HTR4: variants seen among roughly 807,000 people sequenced by gnomAD.
HTR4 encodes the protein 5-hydroxytryptamine (serotonin) receptor 4, G protein-coupled.
Under a neutral mutation model 36.8 loss-of-function variants are expected in HTR4, and 16 were observed. That is an observed-to-expected ratio of 0.43 (90% CI 0.29 to 0.66). The LOEUF is 0.66. Among genes scored for constraint, HTR4 ranks in the 30% least tolerant of loss-of-function variants. The pLI, the probability that HTR4 is intolerant of heterozygous loss-of-function variation, is 0.13. For synonymous variants in HTR4, 189 were observed against 185.1 expected, an observed-to-expected ratio of 1.02 and a Z score of -0.17; for missense variants, 438 against 490.9, an observed-to-expected ratio of 0.89 and a Z score of 1.02.
At chr5:148,490,976 T>G (rs1756397741) in intron 6 of HTR4, 3 of 376,122 alleles carry the variant, frequency 8.0e-6, no homozygotes, top group Non-Finnish European at 1.5e-5. Flanking sequence ...TACCCTCTTC[T>G]GAACATACTC....
chr5:148,630,565 T>G (rs1206970017), intron 2 of HTR4, among the ~76,000 whole-genome samples: 2 of 152,152 alleles, frequency 1.3e-5, no homozygotes. Flanking sequence ...GGATAAATAT[T>G]CAAACAATTT....
In HTR4 at chr5:148,588,419, T is replaced by C. The variant is rs546707508; in HGVS notation, c.27-38157A>G. Reference sequence around the variant, plus strand: ...CTGGGAGGGTCTTAGACTTGGGGAATGGAGAAGAACCAGGGGGAAGAAAAA... The same window carrying C: ...CTGGGAGGGTCTTAGACTTGGGGAACGGAGAAGAACCAGGGGGAAGAAAAA... On this transcript the variant is annotated intron_variant, in intron 2 of 6. Coordinates refer to ENST00000377888, the MANE Select transcript of HTR4 (RefSeq NM_000870.7). Among the ~76,000 whole-genome samples, 8 of 151,854 alleles carry C rather than the reference T, an allele frequency of 5.3e-5. 1 individual carries two copies. The highest frequency in any genetic ancestry group is 1.9e-4 in the African/African-American group (8 of 41,406).
intron 2 of HTR4, among the ~76,000 whole-genome samples, chr5:148,557,549 T>C (rs1269112460): frequency 6.6e-6 from 1 of 151,930 alleles, no homozygotes; most frequent in Non-Finnish European, 1.5e-5. Context: ...CCAGCACTTC[T>C]ATGGGATTTA....
chr5:148,594,231 G>T (rs1761681679), intron 2 of HTR4, among the ~76,000 whole-genome samples: 1 of 152,034 alleles, frequency 6.6e-6, no homozygotes, highest in Non-Finnish European at 1.5e-5. Context: ...GTAAATGCTT[G>T]TCTTAAGTGA....
intron 6 of HTR4, 102 bp downstream of exon 6, chr5:148,509,354 G>A (rs1581400402): frequency 6.2e-6 from 5 of 806,184 alleles, no homozygotes; most frequent in East Asian, 2.6e-5. Flanking sequence ...CAAACTCTAT[G>A]CAGGTTTCAG....
chr5:148,546,745 G>T lies in HTR4; in HGVS notation c.353+1923C>A, dbSNP rs75291485. On this transcript the variant is annotated intron_variant, in intron 4 of 6. Transcript: ENST00000377888. ...CCTGCCTGGTCTTCTCCAAATTCCT[G>T]TAGTACTTTCAGTCTCACTACTCAT... is the stretch of plus-strand genomic sequence containing the variant. Among the ~76,000 whole-genome samples the T allele has an allele frequency of 1.3e-3, 192 of 152,176 alleles. 1 individual carries two copies. Among genetic ancestry groups the T allele is most frequent in the African/African-American group, 4.4e-3 (182 of 41,498 alleles).
At chr5:148,566,978 T>C (rs1002923905) in intron 2 of HTR4, among the ~76,000 whole-genome samples, 1 of 152,000 alleles carries the variant, frequency 6.6e-6, no homozygotes, top group African/African-American at 2.4e-5. Context: ...TTTTTCAAAA[T>C]GCATTGCCTA....
chr5:148,539,261 CTA>C (rs577339182), intron 4 of HTR4, among the ~76,000 whole-genome samples: 100 of 152,218 alleles, frequency 6.6e-4, no homozygotes, highest in African/African-American at 2.4e-3. Flanking sequence ...AAACCCAAAA[CTA>C]TAAAAACTCT....
At chr5:148,491,172 C>T (rs1473221779) in intron 6 of HTR4, among the ~76,000 whole-genome samples, 2 of 152,104 alleles carry the variant, frequency 1.3e-5, no homozygotes, top group Non-Finnish European at 2.9e-5. Flanking sequence ...GGTCTGTGTC[C>T]TCGCCAAGTA....
At chr5:148,470,050 G>A (rs1437920595) in intron 5 of HTR4, among the ~76,000 whole-genome samples, 1 of 152,092 alleles carries the variant, frequency 6.6e-6, no homozygotes, top group Non-Finnish European at 1.5e-5. Context: ...GATGATAATG[G>A]TGATGGTGAT....
At chr5:148,622,417 C>A (rs1466958345) in intron 2 of HTR4, among the ~76,000 whole-genome samples, 1 of 152,196 alleles carries the variant, frequency 6.6e-6, no homozygotes, top group East Asian at 1.9e-4. Context: ...TTTACTTAAC[C>A]TTTCCACATG....
At chr5:148,549,133 C>T (rs1048934870) in intron 3 of HTR4, among the ~76,000 whole-genome samples, 10 of 152,174 alleles carry the variant, frequency 6.6e-5, no homozygotes, top group African/African-American at 2.4e-5. Flanking sequence ...CCTCTTTTTT[C>T]CTCCCCCTTC....
At chr5:148,650,845 T>C (rs540276707) in intron 1 of HTR4, among the ~76,000 whole-genome samples, 7 of 152,274 alleles carry the variant, frequency 4.6e-5, no homozygotes, top group African/African-American at 1.7e-4. Context: ...AACCTTATAG[T>C]ATCTAGCCTG....
chr5:148,462,199 T>C (rs895926505), intron 5 of HTR4, among the ~76,000 whole-genome samples: 2 of 151,576 alleles, frequency 1.3e-5, no homozygotes, highest in Admixed American at 1.3e-4. Context: ...AAATAAGAAA[T>C]TCATAGAGAA....
chr5:148,627,816 G>A (rs928020950), intron 2 of HTR4, among the ~76,000 whole-genome samples: 1 of 152,182 alleles, frequency 6.6e-6, no homozygotes, highest in Non-Finnish European at 1.5e-5. Flanking sequence ...TTTGCTAAAT[G>A]GTAATAAAAC....
chr5:148,573,870 G>C (rs1760777396), intron 2 of HTR4, among the ~76,000 whole-genome samples: 2 of 131,310 alleles, frequency 1.5e-5, no homozygotes, highest in Admixed American at 7.7e-5. Flanking sequence ...TTATCTAGTA[G>C]ACTAATGGTC....
intron 4 of HTR4, among the ~76,000 whole-genome samples, chr5:148,524,706 T>C (rs1290102698): frequency 6.6e-6 from 1 of 152,190 alleles, no homozygotes. Context: ...CTGGAGGCTG[T>C]CTATTCTTTA....
At chr5:148,592,813 A>G (rs1020865439) in intron 2 of HTR4, among the ~76,000 whole-genome samples, 1 of 152,060 alleles carries the variant, frequency 6.6e-6, no homozygotes, top group South Asian at 2.1e-4. Flanking sequence ...TTCAGATATT[A>G]TTTATCTCTG....
intron 2 of HTR4, among the ~76,000 whole-genome samples, chr5:148,632,389 A>T (rs1753354578): frequency 6.6e-6 from 1 of 152,270 alleles, no homozygotes; most frequent in South Asian, 2.1e-4. Context: ...CACAACAGTC[A>T]TTTCGTGGAG....
Sources: allele counts gnomAD v4.1 joint callset (sites outside exome capture counted in the v4.1 genomes callset), GRCh38; gene constraint gnomAD v4.1.1; transcripts MANE v1.5; gene names NCBI Gene and HGNC (gene_info 2026-07-23, HGNC 2026-07-21).